The following MYH15 variants were observed in gnomAD, a reference collection of about 807,000 sequenced individuals.
MYH15 encodes myosin heavy chain 15, also known as myosin-15.
A neutral mutation model predicts 240.5 loss-of-function variants in MYH15; 227 were observed. That is an observed-to-expected ratio of 0.94 (90% confidence interval 0.85 to 1.05). The LOEUF is 1.05. Among genes scored for constraint, MYH15 ranks in the 50% least tolerant of loss-of-function variants. The pLI is 0.00. For missense variants in MYH15, 2,217 were observed against 2,247.5 expected, an observed-to-expected ratio of 0.99 and a Z score of 0.27; for synonymous variants, 785 against 796.7, an observed-to-expected ratio of 0.99 and a Z score of 0.25.
rs149215369 is a variant in MYH15 at position 108,388,934 on chromosome 3, C to A, written c.5535+36G>T. The A allele has an allele frequency of 2.4e-4, 381 of 1,590,514 alleles. No homozygotes were observed. The African/African-American group carries it at 4.7e-3, about 20-fold the overall frequency. On this transcript the variant is annotated intron_variant, in intron 38 of 40. Transcript: ENST00000693548. ...GGAGTACTTTTCTGCAGGGTAGTGC[C>A]CAGCCAGACAAACAGGGAATGGTTT...
chr3:108,411,405 A>T (rs774736119), intron 30 of MYH15, among the ~76,000 whole-genome samples: 2 of 152,076 alleles, frequency 1.3e-5, no homozygotes, highest in African/African-American at 4.8e-5. Flanking sequence ...TTCTCTCATC[A>T]TGTGGCTCCT....
chr3:108,390,524 C>T (rs969781301), intron 37 of MYH15, among the ~76,000 whole-genome samples: 4 of 152,118 alleles, frequency 2.6e-5, no homozygotes, highest in Admixed American at 2.6e-4. Context: ...TACCAAAAAT[C>T]TTGGTTCTTA....
chr3:108,411,273 G>A (rs981751357), intron 30 of MYH15, among the ~76,000 whole-genome samples: 1 of 152,188 alleles, frequency 6.6e-6, no homozygotes, highest in Non-Finnish European at 1.5e-5. Context: ...AGAAAAGGAA[G>A]ATTGTACTGA....
At chr3:108,507,086 A>G (rs959275368) in intron 1 of MYH15, among the ~76,000 whole-genome samples, 6 of 151,834 alleles carry the variant, frequency 4.0e-5, no homozygotes, top group African/African-American at 1.5e-4. Context: ...CATGACTGTA[A>G]TCTTAGCTAT....
Position 108,508,730 on chromosome 3 carries a change from T to C in MYH15, c.88+1713A>G, listed in dbSNP as rs568471848. ...ATATTGATTAAAACAGGGGTAATAC[T>C]ATATTCAGTCTTATAGTTATTTTAA... On this transcript the variant is annotated intron_variant, in intron 1 of 40. Transcript: ENST00000693548. Among the ~76,000 whole-genome samples the C allele has an allele frequency of 4.6e-5, 7 of 152,300 alleles. No individual in the cohort carries two copies. In the South Asian group the frequency reaches 1.2e-3, roughly 27 times the overall value.
intron 37 of MYH15, among the ~76,000 whole-genome samples, chr3:108,389,543 T>G (rs2082408289): frequency 6.6e-6 from 1 of 152,214 alleles, no homozygotes; most frequent in African/African-American, 2.4e-5. Flanking sequence ...AGCTGCCTGC[T>G]GCCTTATAGA....
At chr3:108,429,037 A>G (rs1467794779) in intron 26 of MYH15, among the ~76,000 whole-genome samples, 156 bp from the exon 27 acceptor site, 2 of 152,206 alleles carry the variant, frequency 1.3e-5, no homozygotes, top group African/African-American at 2.4e-5. Context: ...GCCCCAATTC[A>G]GTACCAAGAC....
intron 11 of MYH15, among the ~76,000 whole-genome samples, chr3:108,481,115 C>T (rs2083263183): frequency 6.6e-6 from 1 of 151,964 alleles, no homozygotes; most frequent in Admixed American, 6.6e-5. Context: ...ATTTTGTAGC[C>T]ATCTAAAAAG....
chr3:108,504,107 G>T (rs1294646897), intron 2 of MYH15, among the ~76,000 whole-genome samples: 1 of 152,212 alleles, frequency 6.6e-6, no homozygotes, highest in African/African-American at 2.4e-5. Flanking sequence ...CAAATCTATA[G>T]AGTTAGAAAG....
At chr3:108,454,177 A>T in intron 20 of MYH15, 35 bp from the exon 21 acceptor site, 1 of 1,581,186 alleles carries the variant, frequency 6.3e-7, no homozygotes, top group Non-Finnish European at 8.6e-7. Flanking sequence ...TCCACTGATA[A>T]TGGGTATTCA....
intron 4 of MYH15, 60 bp downstream of exon 4, chr3:108,500,058 G>C: frequency 5.2e-6 from 8 of 1,543,040 alleles, no homozygotes; most frequent in Non-Finnish European, 7.0e-6. Context: ...GCCTCTTAGG[G>C]ACATAGAGAA....
At chr3:108,488,740 G>C (rs932807496) in intron 9 of MYH15, among the ~76,000 whole-genome samples, 4 of 152,132 alleles carry the variant, frequency 2.6e-5, no homozygotes, top group Non-Finnish European at 4.4e-5. Context: ...ATGCTGCATT[G>C]AACATGGAAG....
In MYH15 at chr3:108,399,260, G is replaced by A. The variant is rs1453475365; in HGVS notation, c.4744C>T (p.Gln1582Ter). 6.2e-7 allele frequency: 1 copy of A among 1,607,864 alleles called. No homozygotes were observed. The highest frequency in any genetic ancestry group is 8.5e-7 in the Non-Finnish European group (1 of 1,176,176). Residue 1582 changes from glutamine (Q) to a stop codon, truncating the protein, a stop_gained, in exon 34 of 41, where the codon CAG (glutamine) becomes TAG (stop). Coordinates refer to ENST00000693548, the MANE Select transcript of MYH15 (RefSeq NM_014981.3). LOFTEE classifies it high-confidence loss of function. ...TGCAGGGAGTCAATGGTACACTGCTGCTTCCTCCTAATTTGAAATAACATT... is the reference window on the plus strand; with the variant it reads ...TGCAGGGAGTCAATGGTACACTGCTACTTCCTCCTAATTTGAAATAACATT... The part of the protein sequence containing the change: ...DEEIENFRRK[Q>*]QCTIDSLQSS...
Position 108,455,845 on chromosome 3 carries a change from T to C in MYH15, c.2153A>G (p.Asn718Ser), listed in dbSNP as rs762692013. 4 of 1,612,376 alleles carry C rather than the reference T, an allele frequency of 2.5e-6. No homozygotes were observed. The highest frequency in any genetic ancestry group is 2.2e-5 in the East Asian group (1 of 44,858). The change falls in exon 20 of 41, where the codon AAT becomes AGT. Residue 718 changes from asparagine to serine, a missense_variant. Asn to Ser is a conservative substitution (Grantham distance 46). Transcript: ENST00000693548. Reference sequence around the variant, plus strand: ...CTTGCTCTTTGGAAAGGTCCTTGGATTCAGAATGCAGTACCTAATTTAAAA... The same window carrying C: ...CTTGCTCTTTGGAAAGGTCCTTGGACTCAGAATGCAGTACCTAATTTAAAA... ...ADFKQRYCIL[N>S]PRTFPKSKFV...
At chr3:108,509,105 A>T (rs1189840748) in intron 1 of MYH15, among the ~76,000 whole-genome samples, 1 of 152,088 alleles carries the variant, frequency 6.6e-6, no homozygotes, top group Non-Finnish European at 1.5e-5. Context: ...TCATCACACT[A>T]CTTCCATTTG....
the MYH15 span, among the ~76,000 whole-genome samples, chr3:108,545,465 A>AT: frequency 2.6e-5 from 4 of 152,084 alleles, no homozygotes; most frequent in East Asian, 5.8e-4. Context: ...CTTTATTTGT[A>AT]TTTTTTCTAA....
chr3:108,485,037 A>C, intron 11 of MYH15, 54 bp downstream of exon 11: 2 of 1,573,436 alleles, frequency 1.3e-6, no homozygotes, highest in Non-Finnish European at 1.7e-6. Context: ...AAAGGGGAGC[A>C]GGCTTGGGCC....
At position 108,398,527 on chromosome 3, in the gene MYH15, C is replaced by T; in HGVS notation, c.5133+110G>A. 6.9e-6 allele frequency: 7 copies of T among 1,019,888 alleles called. No individual in the cohort carries two copies. The South Asian group carries it at 9.4e-5, about 14-fold the overall frequency. The allele number at this position is 1,019,888 out of a possible 1,614,324, so 63.2% of individuals were successfully genotyped here. On this transcript the variant is annotated intron_variant, in intron 35 of 40. Transcript: ENST00000693548. ...ATGAACATGCCTTGCTTCACAGGCA[C>T]ATCCAAGACTTAACAGGGCGACTGT... is the stretch of plus-strand genomic sequence containing the variant.
At chr3:108,444,930 C>T in intron 21 of MYH15, 35 bp from the exon 22 acceptor site, 1 of 1,571,652 alleles carries the variant, frequency 6.4e-7, no homozygotes, top group African/African-American at 1.4e-5. Context: ...AGCAAGTTAG[C>T]CCTGACTATA....
Sources: allele counts gnomAD v4.1 joint callset (sites outside exome capture counted in the v4.1 genomes callset), GRCh38; gene constraint gnomAD v4.1.1; transcripts MANE v1.5; gene names NCBI Gene and HGNC (gene_info 2026-07-23, HGNC 2026-07-21).